Variants in MYO3A observed in about 807,000 individuals in gnomAD.
MYO3A encodes the protein myosin-IIIa.
A neutral mutation model predicts 192.7 loss-of-function variants in MYO3A; 180 were observed. That is an observed-to-expected ratio of 0.93 (90% CI 0.83 to 1.06). The LOEUF is 1.06. Ranked by LOEUF, MYO3A falls within the 50% of genes least tolerant of loss-of-function variation. MYO3A has a pLI of 0.00. For synonymous variants in MYO3A, 628 were observed against 645.3 expected, an observed-to-expected ratio of 0.97 and a Z score of 0.41; for missense variants, 1,896 against 1,905.0, an observed-to-expected ratio of 1.00 and a Z score of 0.09.
intron 6 of MYO3A, among the ~76,000 whole-genome samples, chr10:26,006,945 C>T (rs1478441188): frequency 1.3e-5 from 2 of 149,384 alleles, no homozygotes; most frequent in Admixed American, 6.7e-5. Flanking sequence ...GAATTTTAGA[C>T]CAATATCCTT....
intron 23 of MYO3A, among the ~76,000 whole-genome samples, chr10:26,150,029 CGT>C (rs35589117): frequency 0.066 from 9,810 of 149,340 alleles, 381 homozygotes; most frequent in Non-Finnish European, 0.09. Context: ...GAATAGTATT[CGT>C]GTGTGTGTGT....
At chr10:25,994,866 T>C (rs1432444353) in intron 4 of MYO3A, among the ~76,000 whole-genome samples, 3 of 152,242 alleles carry the variant, frequency 2.0e-5, no homozygotes, top group Non-Finnish European at 1.5e-5. Context: ...GTAGAGTTTC[T>C]GCCAGGAGAT....
chr10:26,152,376 A>C (rs192167197), intron 23 of MYO3A, among the ~76,000 whole-genome samples: 131 of 152,362 alleles, frequency 8.6e-4, no homozygotes, highest in Non-Finnish European at 1.5e-3. Context: ...AAGGCTTGAA[A>C]GTGTTGAGCA....
chr10:26,139,608 A>G (rs931909761), intron 20 of MYO3A, among the ~76,000 whole-genome samples: 3 of 152,094 alleles, frequency 2.0e-5, no homozygotes, highest in African/African-American at 7.2e-5. Context: ...AAATCCATCT[A>G]TGGCCAGGTA....
chr10:25,934,964 C>T (rs74319622), intron 1 of MYO3A, among the ~76,000 whole-genome samples: 1 of 152,072 alleles, frequency 6.6e-6, no homozygotes, highest in African/African-American at 2.4e-5. Flanking sequence ...GGGGGCCCTG[C>T]AGGGAGACTG....
chr10:25,958,165 C>T (rs1837681859), intron 4 of MYO3A, among the ~76,000 whole-genome samples: 2 of 152,060 alleles, frequency 1.3e-5, no homozygotes, highest in Non-Finnish European at 2.9e-5. Context: ...TTTGCTGGTT[C>T]CTATGTCCAG....
chr10:26,211,250 C>T (rs1180270812), intron 34 of MYO3A, among the ~76,000 whole-genome samples: 2 of 152,166 alleles, frequency 1.3e-5, no homozygotes, highest in African/African-American at 2.4e-5. Flanking sequence ...AGACAAGCTG[C>T]AGAATCTGAA....
At chr10:25,952,024 C>A in intron 2 of MYO3A, 70 bp from the exon 3 acceptor site, 1 of 1,175,752 alleles carries the variant, frequency 8.5e-7, no homozygotes, top group Non-Finnish European at 1.2e-6. Context: ...TCGCTAATTT[C>A]CCATGGGTTT....
chr10:26,061,543 T>C (rs1282078005), intron 10 of MYO3A, among the ~76,000 whole-genome samples: 1 of 152,106 alleles, frequency 6.6e-6, no homozygotes, highest in African/African-American at 2.4e-5. Flanking sequence ...AGCCCTTCTG[T>C]ACGGAGCTGA....
chr10:26,099,100 T>C (rs780363360), intron 17 of MYO3A, among the ~76,000 whole-genome samples: 58 of 152,226 alleles, frequency 3.8e-4, no homozygotes, highest in Non-Finnish European at 7.5e-4. Flanking sequence ...CAGTGGTTTG[T>C]AGTTCTCCTT....
intron 34 of MYO3A, 81 bp from the exon 35 acceptor site, chr10:26,211,762 G>A (rs1230902169): frequency 6.3e-7 from 1 of 1,594,418 alleles, no homozygotes; most frequent in African/African-American, 1.3e-5. Flanking sequence ...GGAGGAAGAG[G>A]ACCCGCCTAA....
chr10:25,983,261 G>GC (rs1554794362), intron 4 of MYO3A, among the ~76,000 whole-genome samples: 1 of 141,994 alleles, frequency 7.0e-6, no homozygotes, highest in African/African-American at 2.6e-5. Flanking sequence ...AATGATTTTT[G>GC]TTTTTTTTTT....
intron 11 of MYO3A, among the ~76,000 whole-genome samples, chr10:26,067,747 C>T (rs1426078201): frequency 6.6e-6 from 1 of 152,202 alleles, no homozygotes; most frequent in Non-Finnish European, 1.5e-5. Flanking sequence ...CCTCACCCTT[C>T]TTTGTTCCAC....
intron 31 of MYO3A, among the ~76,000 whole-genome samples, chr10:26,185,829 T>A (rs1842843819): frequency 6.6e-6 from 1 of 152,176 alleles, no homozygotes; most frequent in Non-Finnish European, 1.5e-5. Context: ...ATAACAGAGA[T>A]TTTCATCATT....
chr10:26,014,583 G>A (rs889282918), intron 6 of MYO3A, among the ~76,000 whole-genome samples: 3 of 152,186 alleles, frequency 2.0e-5, no homozygotes, highest in Middle Eastern at 3.4e-3. Context: ...AGGAAATGGG[G>A]TGGCTGTACA....
chr10:26,151,006 T>A (rs899906364), intron 23 of MYO3A, among the ~76,000 whole-genome samples: 4 of 152,182 alleles, frequency 2.6e-5, no homozygotes, highest in African/African-American at 4.8e-5. Flanking sequence ...ATTTATGGAC[T>A]TCTAATTTAA....
intron 14 of MYO3A, among the ~76,000 whole-genome samples, chr10:26,081,247 G>GTGTGGGA (rs1835940401): frequency 1.3e-5 from 2 of 151,278 alleles, no homozygotes; most frequent in South Asian, 4.2e-4. Context: ...TGTGGCTGCT[G>GTGTGGGA]TGTGGGATGG....
chr10:25,977,425 C>G (rs1839026809), intron 4 of MYO3A, among the ~76,000 whole-genome samples: 1 of 152,078 alleles, frequency 6.6e-6, no homozygotes, highest in African/African-American at 2.4e-5. Flanking sequence ...TAAAGAACTT[C>G]AGTTTCTCCT....
chr10:26,101,071 T>C (rs1837419693), intron 17 of MYO3A, among the ~76,000 whole-genome samples: 1 of 152,252 alleles, frequency 6.6e-6, no homozygotes, highest in Non-Finnish European at 1.5e-5. Flanking sequence ...TTTATGAATC[T>C]GGGTGCTCCT....
Sources: gnomAD v4.1 joint callset for allele counts (sites outside exome capture counted in the v4.1 genomes callset) on GRCh38, gnomAD v4.1.1 for gene constraint, MANE v1.5 for transcripts, NCBI Gene and HGNC (gene_info 2026-07-23, HGNC 2026-07-21) for gene names.